The following SRL variants were observed in gnomAD, a reference collection of about 807,000 sequenced individuals.
SRL encodes the protein sarcalumenin.
A neutral mutation model predicts 39.5 loss-of-function variants in SRL; 23 were observed. That is an observed-to-expected ratio of 0.58 (90% confidence interval 0.42 to 0.82). The LOEUF (loss-of-function observed/expected upper bound fraction) is 0.82. Ranked by LOEUF, SRL falls within the 40% of genes least tolerant of loss-of-function variation. SRL has a pLI of 0.00. For missense variants in SRL, 592 were observed against 607.8 expected, an observed-to-expected ratio of 0.97 and a Z score of 0.27; for synonymous variants, 272 against 237.4, an observed-to-expected ratio of 1.15 and a Z score of -1.34.
chr16:4,238,610 A>G (rs1348905860), intron 1 of SRL, among the ~76,000 whole-genome samples: 1 of 150,148 alleles, frequency 6.7e-6, no homozygotes, highest in Non-Finnish European at 1.5e-5. Context: ...ACAGGCCACC[A>G]TGCCCGGTGC....
chr16:4,195,587 T>A lies in SRL; in HGVS notation c.576A>T (p.Pro192=). The A allele has an allele frequency of 1.2e-6, 2 of 1,614,208 alleles. No individual in the cohort carries two copies. The highest frequency in any genetic ancestry group is 1.7e-6 in the Non-Finnish European group (2 of 1,180,042). The change falls in exon 5 of 6, where the codon CCA becomes CCT. Residue 192 remains proline (P), a synonymous_variant. Transcript: ENST00000399609. ...LLERVTFVDT[P]GIIENRKQQE... ...GCTGCTTGCGGTTCTCGATGATGCC[T>A]GGTGTATCCACAAAAGTGACCCTCT... is the stretch of plus-strand genomic sequence containing the variant.
chr16:4,198,664 T>A (rs774453013), intron 3 of SRL, among the ~76,000 whole-genome samples: 4 of 152,058 alleles, frequency 2.6e-5, no homozygotes, highest in Non-Finnish European at 4.4e-5. Context: ...CTCAGGCTGG[T>A]CTCAAACTTC....
At chr16:4,229,874 C>T (rs1418945825) in intron 1 of SRL, among the ~76,000 whole-genome samples, 1 of 152,102 alleles carries the variant, frequency 6.6e-6, no homozygotes, top group Admixed American at 6.6e-5. Flanking sequence ...GCTGCTGTGC[C>T]CAAGGCCAAG....
intron 1 of SRL, among the ~76,000 whole-genome samples, chr16:4,205,045 G>T (rs6500588): frequency 1.3e-5 from 2 of 151,844 alleles, no homozygotes; most frequent in African/African-American, 2.4e-5. Context: ...CGCTAGGGCC[G>T]AGTGCAGTGG....
At chr16:4,241,922 C>G in intron 1 of SRL, 85 bp downstream of exon 1, 1 of 1,497,698 alleles carries the variant, frequency 6.7e-7, no homozygotes. Flanking sequence ...AGCCCCGACC[C>G]CCTACCCAAC....
intron 1 of SRL, among the ~76,000 whole-genome samples, chr16:4,219,452 C>T (rs1162812509): frequency 1.3e-5 from 2 of 152,076 alleles, no homozygotes; most frequent in African/African-American, 4.8e-5. Context: ...CAGGCTGGCG[C>T]CCTGAGCACA....
chr16:4,197,178 G>A (rs11076824), intron 4 of SRL, among the ~76,000 whole-genome samples: 71,530 of 144,760 alleles, frequency 0.49, 17,339 homozygotes, highest in South Asian at 0.64. Flanking sequence ...AAGCAATTCC[G>A]CTGCCTCAGC....
intron 1 of SRL, among the ~76,000 whole-genome samples, chr16:4,228,024 G>A (rs189035868): frequency 9.2e-5 from 14 of 152,316 alleles, no homozygotes; most frequent in Admixed American, 9.2e-4. Context: ...CAGGTGTGTG[G>A]GGACAGTGGC....
At chr16:4,233,645 A>T (rs993436095) in intron 1 of SRL, among the ~76,000 whole-genome samples, 1 of 151,912 alleles carries the variant, frequency 6.6e-6, no homozygotes. Flanking sequence ...GACACAACTC[A>T]TTCCCGCCTG....
intron 1 of SRL, 128 bp from the exon 2 acceptor site, chr16:4,204,762 A>G: frequency 1.4e-6 from 1 of 709,264 alleles, no homozygotes; most frequent in South Asian, 1.6e-5. Flanking sequence ...GTTACACTGG[A>G]CTGAGCTCTG....
intron 1 of SRL, among the ~76,000 whole-genome samples, chr16:4,216,761 A>C (rs1447677202): frequency 6.6e-6 from 1 of 152,042 alleles, no homozygotes; most frequent in Non-Finnish European, 1.5e-5. Flanking sequence ...AGAGGGGCCG[A>C]GCTGGGGAGG....
chr16:4,208,041 G>A (rs1262483460), intron 1 of SRL: 13 of 456,170 alleles, frequency 2.8e-5, no homozygotes, highest in African/African-American at 6.0e-5. Flanking sequence ...GTCTCCAGCA[G>A]AGAAATGATT....
Position 4,201,116 on chromosome 16 carries a change from AT to A in SRL, c.259+2049del, listed in dbSNP as rs3081044. Among the ~76,000 whole-genome samples, 1,367 of 146,594 alleles carry A rather than the reference AT, an allele frequency of 9.3e-3. 9 individuals carry two copies. The highest frequency in any genetic ancestry group is 0.014 in the Non-Finnish European group (917 of 66,976). On this transcript the variant is annotated intron_variant, in intron 3 of 5. Coordinates refer to ENST00000399609, the MANE Select transcript of SRL (RefSeq NM_001098814.2). Reference sequence around the variant, plus strand: ...CAAAATGTTTAATTCCAGGGTTCCAATTTTTTTTTTTTTTTGAGACAGGGTC... The same window carrying A: ...CAAAATGTTTAATTCCAGGGTTCCAATTTTTTTTTTTTTTGAGACAGGGTC...
chr16:4,200,839 A>G (rs1175745446), intron 3 of SRL, among the ~76,000 whole-genome samples: 2 of 152,204 alleles, frequency 1.3e-5, no homozygotes, highest in Admixed American at 6.5e-5. Flanking sequence ...GTAGAGCAGG[A>G]AGAATACAAA....
intron 1 of SRL, among the ~76,000 whole-genome samples, chr16:4,233,369 C>G (rs1378681984): frequency 6.6e-6 from 1 of 152,148 alleles, no homozygotes; most frequent in Non-Finnish European, 1.5e-5. Flanking sequence ...CTTGAATGAG[C>G]CAAGCGTCAT....
chr16:4,233,365 T>C (rs2052678973), intron 1 of SRL, among the ~76,000 whole-genome samples: 2 of 152,192 alleles, frequency 1.3e-5, no homozygotes, highest in South Asian at 2.1e-4. Context: ...CTGCCTTGAA[T>C]GAGCCAAGCG....
intron 1 of SRL, among the ~76,000 whole-genome samples, chr16:4,237,943 T>C (rs2052730636): frequency 6.6e-6 from 1 of 152,156 alleles, no homozygotes; most frequent in African/African-American, 2.4e-5. Flanking sequence ...CCCATTTGAC[T>C]AGATTCAGCT....
intron 1 of SRL, among the ~76,000 whole-genome samples, chr16:4,228,686 G>T (rs556478773): frequency 2.0e-5 from 3 of 151,842 alleles, no homozygotes; most frequent in African/African-American, 7.2e-5. Context: ...AGTGAGCCAA[G>T]ATCATGCCAC....
At chr16:4,229,609 A>G (rs2052636903) in intron 1 of SRL, among the ~76,000 whole-genome samples, 1 of 152,030 alleles carries the variant, frequency 6.6e-6, no homozygotes, top group Non-Finnish European at 1.5e-5. Context: ...GAGGGGAACA[A>G]TAGACACTGT....
Sources: allele counts gnomAD v4.1 joint callset (sites outside exome capture counted in the v4.1 genomes callset), GRCh38; gene constraint gnomAD v4.1.1; transcripts MANE v1.5; gene names NCBI Gene and HGNC (gene_info 2026-07-23, HGNC 2026-07-21).